Variants in USP44 observed in about 807,000 individuals in gnomAD.
USP44 encodes the protein ubiquitin carboxyl-terminal hydrolase 44.
Under a neutral mutation model 69.0 loss-of-function variants are expected in USP44, and 61 were observed. The ratio of observed to expected loss-of-function variants is 0.88; its 90% CI spans 0.72 to 1.09. USP44 has a LOEUF of 1.09. Ranked by LOEUF, USP44 falls within the 50% of genes least tolerant of loss-of-function variation. The pLI, the probability that USP44 is intolerant of heterozygous loss-of-function variation, is 0.00. For missense variants in USP44, 753 were observed against 849.9 expected (o/e 0.89, Z 1.42); for synonymous variants, 297 against 295.4 (o/e 1.01, Z -0.06).
Position 95,533,169 on chromosome 12 carries a change from C to G in USP44, c.1088G>C (p.Gly363Ala), listed in dbSNP as rs769722372. The G allele has an allele frequency of 2.1e-5, 34 of 1,614,074 alleles. No homozygotes were observed. Among genetic ancestry groups the G allele is most frequent in the Non-Finnish European group, 2.8e-5 (33 of 1,180,042 alleles). ...TGGCTGAATAAGTTCCATCTTTCTA[C>G]CTTTTGATGCTCCACCACTTAGTCC... Reference protein sequence around the residue: ...SSGLSGGASKGRKMELIQPKE... With the variant: ...SSGLSGGASKARKMELIQPKE... The change falls in exon 2 of 6, where the codon GGT becomes GCT. Residue 363 changes from glycine to alanine, a missense_variant. Transcript: ENST00000258499.
intron 1 of USP44, among the ~76,000 whole-genome samples, chr12:95,549,965 G>C (rs545419580): frequency 8.5e-5 from 13 of 152,250 alleles, no homozygotes; most frequent in South Asian, 6.2e-4. Context: ...GATCACCTGA[G>C]GTCAGGAGTT....
chr12:95,522,705 G>T (rs897491583), intron 4 of USP44, among the ~76,000 whole-genome samples: 4 of 151,304 alleles, frequency 2.6e-5, no homozygotes, highest in Non-Finnish European at 4.4e-5. Context: ...TTGAACCCGG[G>T]ACGCAGAGGT....
intron 3 of USP44, among the ~76,000 whole-genome samples, chr12:95,526,591 A>C (rs1044716945): frequency 6.6e-5 from 10 of 152,218 alleles, no homozygotes; most frequent in East Asian, 1.9e-4. Context: ...ACAAAAAAAA[A>C]CCTTATAAAT....
intron 1 of USP44, among the ~76,000 whole-genome samples, chr12:95,544,048 CTTTTTTTTTT>C (rs1191045599): frequency 2.1e-5 from 2 of 97,236 alleles, no homozygotes; most frequent in African/African-American, 4.1e-5. Context: ...TTTTAGTTAT[CTTTTTTTTTT>C]TTTTTTTTTT....
In USP44 at chr12:95,518,111, G is replaced by GTA. The variant is rs748885883; in HGVS notation, c.*41_*42dup. On this transcript the variant is annotated 3_prime_UTR_variant, in exon 6 of 6. Transcript: ENST00000258499. ...AAATGGTACATCAGTCTTTTAAAAA[G>GTA]TATATATATAAATCACAGGAAGAAA... The GTA allele has an allele frequency of 6.9e-6, 11 of 1,595,994 alleles. No individual in the cohort carries two copies. Among genetic ancestry groups the GTA allele is most frequent in the Non-Finnish European group, 7.7e-6 (9 of 1,166,240 alleles).
intron 1 of USP44, among the ~76,000 whole-genome samples, chr12:95,538,868 C>T (rs2077290833): frequency 6.6e-6 from 1 of 152,240 alleles, no homozygotes; most frequent in African/African-American, 2.4e-5. Flanking sequence ...CTATATTCCT[C>T]TACTGGGTTC....
At position 95,545,073 on chromosome 12, in the gene USP44, T is replaced by C. The variant is rs1323736562; in HGVS notation, c.-71+6199A>G. Among the ~76,000 whole-genome samples, 4 of 152,314 alleles carry C rather than the reference T, an allele frequency of 2.6e-5. No homozygotes were observed. The South Asian group carries it at 6.2e-4, about 24-fold the overall frequency. On this transcript the variant is annotated intron_variant, in intron 1 of 5. Coordinates refer to ENST00000258499, the MANE Select transcript of USP44 (RefSeq NM_032147.5). The stretch of plus-strand genomic sequence containing the variant: ...GACTAACTACTTCCCAAACATCTTT[T>C]GTTAAGATGTTTTTAACAAATCTTA...
chr12:95,543,966 CAAAAAAAAA>C (rs760105964), intron 1 of USP44, among the ~76,000 whole-genome samples: 1 of 47,682 alleles, frequency 2.1e-5, no homozygotes, highest in Non-Finnish European at 3.8e-5. Flanking sequence ...GACTGCATCT[CAAAAAAAAA>C]AAAAAAAAAA....
chr12:95,518,442 A>G (rs919871908), intron 5 of USP44, 89 bp from the exon 6 acceptor site: 1 of 1,326,138 alleles, frequency 7.5e-7, no homozygotes, highest in African/African-American at 1.5e-5. Context: ...TTCTGAAGGG[A>G]AAATAATTTT....
At chr12:95,537,880 TTAAG>T (rs1274157734) in intron 1 of USP44, among the ~76,000 whole-genome samples, 1 of 152,162 alleles carries the variant, frequency 6.6e-6, no homozygotes, top group Non-Finnish European at 1.5e-5. Context: ...TCAGATAGTG[TTAAG>T]TATGTGCTAA....
chr12:95,539,229 T>G (rs192581472), intron 1 of USP44, among the ~76,000 whole-genome samples: 7 of 151,770 alleles, frequency 4.6e-5, no homozygotes, highest in South Asian at 2.1e-4. Context: ...GGCTTTTTTT[T>G]TTGTTTTTTT....
intron 2 of USP44, 64 bp from the exon 3 acceptor site, chr12:95,529,066 C>G: frequency 7.2e-7 from 1 of 1,380,248 alleles, no homozygotes; most frequent in Non-Finnish European, 9.6e-7. Context: ...ACTCTTTTCA[C>G]TAGAGGTCAC....
chr12:95,532,820 A>G lies in USP44; in HGVS notation c.1428+9T>C. 6.4e-7 allele frequency: 1 copy of G among 1,555,202 alleles called. No individual in the cohort carries two copies. Among genetic ancestry groups the G allele is most frequent in the East Asian group, 2.2e-5 (1 of 44,484 alleles). On this transcript the variant is annotated intron_variant, in intron 2 of 5. Coordinates refer to ENST00000258499, the MANE Select transcript of USP44 (RefSeq NM_032147.5). Reference sequence around the variant, plus strand: ...CAATGATGAAAATAAGATTCTTAAAAATCCATACCTGACTAAGAAGTTGTC... The same window carrying G: ...CAATGATGAAAATAAGATTCTTAAAGATCCATACCTGACTAAGAAGTTGTC...
chr12:95,519,207 A>G (rs1445231861), intron 5 of USP44, among the ~76,000 whole-genome samples: 2 of 145,824 alleles, frequency 1.4e-5, no homozygotes, highest in South Asian at 2.2e-4. Flanking sequence ...TGATTGCTCA[A>G]TGTACAAACT....
rs2076495091 is a variant in USP44, at chr12:95,517,078, T to TAGA, written c.*1075_*1076insTCT. On this transcript the variant is annotated 3_prime_UTR_variant, in exon 6 of 6. Coordinates refer to ENST00000258499, the MANE Select transcript of USP44 (RefSeq NM_032147.5). ...ACACTGTATTTTTTTTTGTGCAAGT[T>TAGA]TAGATAGATAGCTTTTAGTTTTTTT... The TAGA allele has an allele frequency of 3.3e-5, 5 of 151,306 alleles. No individual in the cohort carries two copies. The highest frequency in any genetic ancestry group is 2.6e-4 in the Admixed American group (4 of 15,228). The allele number at this position is 151,306 out of a possible 1,614,324, so 9.4% of individuals were successfully genotyped here.
chr12:95,528,387 T>C (rs764954987), intron 3 of USP44, among the ~76,000 whole-genome samples: 10 of 152,354 alleles, frequency 6.6e-5, no homozygotes, highest in Admixed American at 1.3e-4. Context: ...CAGTCCTGCA[T>C]ATATTATTTC....
At chr12:95,543,423 AAAAAAGAAAAAG>A (rs1280929528) in intron 1 of USP44, among the ~76,000 whole-genome samples, 3 of 150,298 alleles carry the variant, frequency 2.0e-5, no homozygotes, top group Admixed American at 6.6e-5. Flanking sequence ...AAAAAAAAAA[AAAAAAGAAAAAG>A]AAAAAGAAAA....
intron 4 of USP44, among the ~76,000 whole-genome samples, chr12:95,523,495 C>T (rs954726501): frequency 3.3e-5 from 5 of 152,114 alleles, no homozygotes; most frequent in African/African-American, 1.2e-4. Context: ...TTTTGGTAAG[C>T]AGAGGTCACA....
At chr12:95,522,895 CTA>C (rs1257929878) in intron 4 of USP44, among the ~76,000 whole-genome samples, 1 of 151,866 alleles carries the variant, frequency 6.6e-6, no homozygotes, top group Non-Finnish European at 1.5e-5. Context: ...CCGGGAATGA[CTA>C]GAGGATTGGG....
Sources: allele counts gnomAD v4.1 joint callset (sites outside exome capture counted in the v4.1 genomes callset), GRCh38; gene constraint gnomAD v4.1.1; transcripts MANE v1.5; gene names NCBI Gene and HGNC (gene_info 2026-07-23, HGNC 2026-07-21).